Variants in MICAL2 observed in about 807,000 individuals in gnomAD.
The protein encoded by MICAL2 is [F-actin]-monooxygenase MICAL2.
Under a neutral mutation model 127.3 loss-of-function variants are expected in MICAL2, and 77 were observed. The observed-to-expected ratio is 0.60, with a 90% CI of 0.50 to 0.73. The LOEUF is 0.73. Ranked by LOEUF, MICAL2 falls within the 30% of genes least tolerant of loss-of-function variation. The pLI, the probability that MICAL2 is intolerant of heterozygous loss-of-function variation, is 0.00. For missense variants in MICAL2, 1,351 were observed against 1,434.4 expected (o/e 0.94, Z 0.94); for synonymous variants, 570 against 551.1 (o/e 1.03, Z -0.48).
rs982856517 is a variant in MICAL2, at chr11:12,137,163, A to G, written c.-148-1227A>G. Reference sequence around the variant, plus strand: ...GCCCAGGCAGGCCAGCCTGTTTGTCAGCTGGCACAAGCCCCGAGGGGTGTG... The same window carrying G: ...GCCCAGGCAGGCCAGCCTGTTTGTCGGCTGGCACAAGCCCCGAGGGGTGTG... On this transcript the variant is annotated intron_variant, in intron 1 of 27. Coordinates refer to ENST00000683283, the MANE Select transcript of MICAL2 (RefSeq NM_001282663.2). 5.9e-5 allele frequency among the ~76,000 whole-genome samples: 9 copies of G among 152,342 alleles called. No individual in the cohort carries two copies. In the South Asian group the frequency reaches 1.4e-3, roughly 25 times the overall value.
chr11:12,290,143 G>A (rs1863878313), downstream of MICAL2, among the ~76,000 whole-genome samples: 3 of 152,202 alleles, frequency 2.0e-5, no homozygotes, highest in Admixed American at 2.0e-4. Flanking sequence ...GGCAGCCCAG[G>A]GACAAGGGGC....
chr11:12,110,604 G>T lies in MICAL2; in HGVS notation c.-271G>T, dbSNP rs1466887908. 6.6e-6 allele frequency: 1 copy of T among 151,892 alleles called. No individual in the cohort carries two copies. The highest frequency in any genetic ancestry group is 1.5e-5 in the Non-Finnish European group (1 of 67,982). 9.4% of individuals were successfully genotyped at this position (151,892 alleles called of 1,614,324 possible). ...GAACCGCAGGCGCTCGGCTGGCTAA[G>T]CCTGCGCCGGGCCGCCTCGCTCGCT... is the stretch of plus-strand genomic sequence containing the variant. On this transcript the variant is annotated 5_prime_UTR_variant, in exon 1 of 28. Coordinates refer to ENST00000683283, the MANE Select transcript of MICAL2 (RefSeq NM_001282663.2). The surrounding 1 kb of genome is among the most constrained non-coding windows in gnomAD (Gnocchi z 4.5).
At chr11:12,236,344 C>T (rs1009340909) in intron 16 of MICAL2, 99 bp downstream of exon 16, 11 of 1,089,342 alleles carry the variant, frequency 1.0e-5, no homozygotes, top group Non-Finnish European at 1.3e-5. Flanking sequence ...CTGTTCCTTC[C>T]CTCTCTCATG....
intron 1 of MICAL2, among the ~76,000 whole-genome samples, chr11:12,111,528 T>G (rs1224047093): frequency 6.6e-6 from 1 of 152,336 alleles, no homozygotes; most frequent in East Asian, 1.9e-4. Context: ...GGGAACGGCC[T>G]TTACTGGATG....
chr11:12,277,892 C>T (rs1863737797), intron 1 of MICAL2, among the ~76,000 whole-genome samples: 2 of 152,208 alleles, frequency 1.3e-5, no homozygotes, highest in South Asian at 4.1e-4. Flanking sequence ...AGGCTACAGA[C>T]CTGCACATTG....
At chr11:12,266,541 G>A (rs1378933849), downstream of MICAL2, among the ~76,000 whole-genome samples, 3 of 152,228 alleles carry the variant, frequency 2.0e-5, no homozygotes, top group East Asian at 1.9e-4. Flanking sequence ...GCCAGGTAGT[G>A]GGCCAAGAAT....
chr11:12,148,348 G>A (rs1853181867), intron 2 of MICAL2, among the ~76,000 whole-genome samples: 2 of 152,130 alleles, frequency 1.3e-5, no homozygotes, highest in Admixed American at 6.5e-5. Flanking sequence ...TTTGGGAATT[G>A]AGCCTAACAA....
intron 7 of MICAL2, 21 bp downstream of exon 7, chr11:12,213,431 C>T (rs370534365): frequency 1.6e-5 from 26 of 1,608,214 alleles, no homozygotes; most frequent in Non-Finnish European, 2.1e-5. Context: ...CACCTTTCTC[C>T]CAACCAGGCC....
intron 25 of MICAL2, among the ~76,000 whole-genome samples, chr11:12,259,106 T>C (rs1862743599): frequency 6.6e-6 from 1 of 152,222 alleles, no homozygotes; most frequent in South Asian, 2.1e-4. Context: ...TTAAAACTTT[T>C]TTCTAATTAG....
At chr11:12,293,352 TTCCAGGCAGA>T (rs1324602416), downstream of MICAL2, among the ~76,000 whole-genome samples, 3 of 151,804 alleles carry the variant, frequency 2.0e-5, no homozygotes, top group African/African-American at 7.3e-5. Flanking sequence ...GATTCGGGGG[TTCCAGGCAGA>T]TCCTGGCAGG....
At chr11:12,274,988 G>A (rs1863709221), upstream of MICAL2, among the ~76,000 whole-genome samples, 1 of 151,998 alleles carries the variant, frequency 6.6e-6, no homozygotes, top group African/African-American at 2.4e-5. Context: ...AGACAATGGT[G>A]GCTGGACCAG....
intron 3 of MICAL2, among the ~76,000 whole-genome samples, chr11:12,177,285 C>T (rs1856942738): frequency 6.6e-6 from 1 of 152,162 alleles, no homozygotes; most frequent in African/African-American, 2.4e-5. Context: ...ATTGTCCACT[C>T]ATAAGTCTTC....
chr11:12,339,962 C>T (rs568388009), intron 32 of MICAL2, among the ~76,000 whole-genome samples: 1 of 152,186 alleles, frequency 6.6e-6, no homozygotes, highest in Non-Finnish European at 1.5e-5. Context: ...AACCACTACT[C>T]TCTTCAAAGC....
At chr11:12,150,529 G>C (rs1482789582) in intron 2 of MICAL2, among the ~76,000 whole-genome samples, 6 of 152,154 alleles carry the variant, frequency 3.9e-5, no homozygotes, top group Non-Finnish European at 8.8e-5. Context: ...CTCTGGGTGG[G>C]GCGGCTCTGC....
chr11:12,342,673 G>A (rs1938885908), intron 32 of MICAL2, among the ~76,000 whole-genome samples: 1 of 152,224 alleles, frequency 6.6e-6, no homozygotes, highest in South Asian at 2.1e-4. Context: ...ACAATGCTAA[G>A]CATTTGACAT....
intron 2 of MICAL2, among the ~76,000 whole-genome samples, chr11:12,141,671 G>A (rs1852366372): frequency 6.6e-6 from 1 of 152,146 alleles, no homozygotes; most frequent in Non-Finnish European, 1.5e-5. Context: ...AAGGTTGTTG[G>A]GATTTTCAAG....
chr11:12,323,951 A>G, intron 30 of MICAL2: 1 of 1,586,848 alleles, frequency 6.3e-7, no homozygotes, highest in Non-Finnish European at 8.6e-7. Flanking sequence ...TCTCTGACAT[A>G]ATTTTTTTCT....
intron 15 of MICAL2, among the ~76,000 whole-genome samples, chr11:12,233,436 T>A (rs1590519330): frequency 6.6e-6 from 1 of 152,268 alleles, no homozygotes; most frequent in African/African-American, 2.4e-5. Flanking sequence ...TCTCTTCCTA[T>A]GACCCATATC....
At chr11:12,170,936 G>A (rs1478307626) in intron 3 of MICAL2, among the ~76,000 whole-genome samples, 1 of 152,244 alleles carries the variant, frequency 6.6e-6, no homozygotes, top group East Asian at 1.9e-4. Context: ...GGATAGAGGA[G>A]CGAACTCTGT....
Sources: gnomAD v4.1 joint callset for allele counts (sites outside exome capture counted in the v4.1 genomes callset) on GRCh38, gnomAD v4.1.1 for gene constraint, Gnocchi (gnomAD v3.1) non-coding constraint, MANE v1.5 for transcripts, NCBI Gene and HGNC (gene_info 2026-07-23, HGNC 2026-07-21) for gene names.